Variants in REC114 observed in about 807,000 individuals in gnomAD.
REC114 encodes meiotic recombination protein REC114.
Under a neutral mutation model 31.3 loss-of-function variants are expected in REC114, and 27 were observed. The observed-to-expected ratio is 0.86, with a 90% confidence interval of 0.64 to 1.19. The LOEUF is 1.19. REC114 is among the 50% of genes most tolerant of loss of function. REC114 has a pLI of 0.00. For synonymous variants in REC114, 134 were observed against 127.7 expected, an observed-to-expected ratio of 1.05 and a Z score of -0.33; for missense variants, 344 against 326.9, an observed-to-expected ratio of 1.05 and a Z score of -0.40.
At chr15:73,482,616 T>A (rs1408578608) in intron 2 of REC114, among the ~76,000 whole-genome samples, 5 of 152,242 alleles carry the variant, frequency 3.3e-5, no homozygotes, top group Admixed American at 3.3e-4. Context: ...TTTTGGACTG[T>A]TTCACTTAGC....
At chr15:73,559,108 A>G (rs890126886) in intron 5 of REC114, among the ~76,000 whole-genome samples, 1 of 152,238 alleles carries the variant, frequency 6.6e-6, no homozygotes, top group South Asian at 2.1e-4. Flanking sequence ...TATATGGAGA[A>G]GAGATCAGTA....
intron 2 of REC114, among the ~76,000 whole-genome samples, chr15:73,522,700 G>A (rs961510745): frequency 1.3e-5 from 2 of 152,086 alleles, no homozygotes; most frequent in Non-Finnish European, 2.9e-5. Context: ...GGACATTAGA[G>A]TTTCTTCTAG....
intron 3 of REC114, among the ~76,000 whole-genome samples, chr15:73,549,317 C>T (rs1489519761): frequency 6.6e-6 from 1 of 152,016 alleles, no homozygotes; most frequent in Non-Finnish European, 1.5e-5. Flanking sequence ...AAAATCAAAA[C>T]AATTGAACTC....
intron 1 of REC114, among the ~76,000 whole-genome samples, chr15:73,461,360 T>A (rs1421037140): frequency 1.3e-5 from 2 of 152,166 alleles, no homozygotes; most frequent in African/African-American, 4.8e-5. Context: ...TTTCATATTT[T>A]ATAGTGCATA....
intron 1 of REC114, among the ~76,000 whole-genome samples, chr15:73,447,648 A>AAAATAAATAAATAAATAAAT (rs60241454): frequency 7.0e-6 from 1 of 143,308 alleles, no homozygotes; most frequent in African/African-American, 2.6e-5. Context: ...ACTCTGTCTC[A>AAAATAAATAAATAAATAAAT]AAATAAATAA....
At chr15:73,492,854 T>C (rs575402090) in intron 2 of REC114, among the ~76,000 whole-genome samples, 45 of 152,288 alleles carry the variant, frequency 3.0e-4, no homozygotes, top group African/African-American at 9.6e-4. Context: ...ATTTTCATAA[T>C]TAATAGTGAG....
chr15:73,460,500 ATAAAG>A lies in REC114; in HGVS notation c.160-13328_160-13324del, dbSNP rs201045627. ...CAAATGACAGCACTGTATCTGAGAA[ATAAAG>A]TAAGGTGTTTCCTTAACTCAAATTT... On this transcript the variant is annotated intron_variant, in intron 1 of 5. Coordinates refer to ENST00000331090, the MANE Select transcript of REC114 (RefSeq NM_001042367.2). 3.4e-3 allele frequency among the ~76,000 whole-genome samples: 516 copies of A among 152,326 alleles called. 5 individuals are homozygous for A. Among genetic ancestry groups the A allele is most frequent in the African/African-American group, 0.012 (489 of 41,572 alleles).
intron 1 of REC114, among the ~76,000 whole-genome samples, chr15:73,450,367 C>T (rs1200213692): frequency 6.6e-6 from 1 of 151,886 alleles, no homozygotes; most frequent in Non-Finnish European, 1.5e-5. Flanking sequence ...GACTTTAAAC[C>T]AGCAAAGATA....
intron 2 of REC114, among the ~76,000 whole-genome samples, chr15:73,528,737 C>T (rs1197127773): frequency 6.6e-6 from 1 of 152,144 alleles, no homozygotes; most frequent in Non-Finnish European, 1.5e-5. Flanking sequence ...TTGTTTGTGG[C>T]TGCTTTCGTG....
chr15:73,495,656 T>A (rs945004734), intron 2 of REC114, among the ~76,000 whole-genome samples: 1 of 152,146 alleles, frequency 6.6e-6, no homozygotes, highest in African/African-American at 2.4e-5. Context: ...TTCCTTCTTT[T>A]ATTAAGAGGC....
intron 1 of REC114, among the ~76,000 whole-genome samples, chr15:73,451,030 G>T (rs1295296760): frequency 2.0e-5 from 3 of 152,170 alleles, no homozygotes; most frequent in Admixed American, 6.5e-5. Context: ...ACAAGAGAAA[G>T]CAGGAAAGAC....
chr15:73,480,867 G>A (rs1297296584), intron 2 of REC114, among the ~76,000 whole-genome samples: 1 of 152,066 alleles, frequency 6.6e-6, no homozygotes, highest in African/African-American at 2.4e-5. Context: ...TAGTGGAGAT[G>A]GGGTTTCACC....
At chr15:73,499,832 T>C (rs1281567728) in intron 2 of REC114, among the ~76,000 whole-genome samples, 1 of 152,174 alleles carries the variant, frequency 6.6e-6, no homozygotes, top group Admixed American at 6.5e-5. Flanking sequence ...TTTTCACCCT[T>C]GCTTTTAATG....
intron 2 of REC114, among the ~76,000 whole-genome samples, chr15:73,498,075 T>A (rs767029252): frequency 1.1e-4 from 16 of 152,222 alleles, no homozygotes; most frequent in Non-Finnish European, 2.2e-4. Flanking sequence ...AGCTATTGTT[T>A]GATTTGGAAA....
At position 73,551,149 on chromosome 15, in the gene REC114, G is replaced by GA; in HGVS notation, c.546dup (p.Ser183IlefsTer43). The GA allele has an allele frequency of 1.3e-6, 2 of 1,597,890 alleles. No homozygotes were observed. Among genetic ancestry groups the GA allele is most frequent in the East Asian group, 4.5e-5 (2 of 44,034 alleles). ...GCAAAGAGTGTCCCACGGCAGCCTGGAGTAAGTAGGCTGATGTGTTGGTTA... is the reference window on the plus strand; with the variant it reads ...GCAAAGAGTGTCCCACGGCAGCCTGGAAGTAAGTAGGCTGATGTGTTGGTTA... On this transcript the variant is annotated frameshift_variant and splice_region_variant, in exon 4 of 6. Transcript: ENST00000331090. LOFTEE classifies it high-confidence loss of function.
chr15:73,506,094 C>T (rs1405018529), intron 2 of REC114, among the ~76,000 whole-genome samples: 9 of 151,986 alleles, frequency 5.9e-5, no homozygotes, highest in Non-Finnish European at 1.3e-4. Flanking sequence ...CCATTTTATA[C>T]AGAAAGCTTC....
At chr15:73,540,699 T>C (rs1894225879) in intron 3 of REC114, 131 bp downstream of exon 3, 2 of 791,384 alleles carry the variant, frequency 2.5e-6, no homozygotes, top group East Asian at 5.0e-5. Flanking sequence ...GTTTGTACTA[T>C]GAGAAAAACA....
intron 2 of REC114, among the ~76,000 whole-genome samples, chr15:73,529,143 A>ATT (rs202242039): frequency 6.8e-6 from 1 of 146,176 alleles, no homozygotes; most frequent in African/African-American, 2.5e-5. Flanking sequence ...TATTTATTTT[A>ATT]TTTTTTTTTT....
chr15:73,553,079 T>C (rs1393482731), intron 4 of REC114, among the ~76,000 whole-genome samples: 1 of 152,214 alleles, frequency 6.6e-6, no homozygotes, highest in Non-Finnish European at 1.5e-5. Flanking sequence ...CCTCCCAAAG[T>C]GCTGGGATTA....
Sources: allele counts gnomAD v4.1 joint callset (sites outside exome capture counted in the v4.1 genomes callset), GRCh38; gene constraint gnomAD v4.1.1; transcripts MANE v1.5; gene names NCBI Gene and HGNC (gene_info 2026-07-23, HGNC 2026-07-21).